Variants in SLC5A9 observed in about 807,000 individuals in gnomAD.
SLC5A9 encodes the protein solute carrier family 5 member 9, also known as sodium/glucose cotransporter 4.
In SLC5A9, 59 loss-of-function variants were observed where a neutral mutation model predicts 70.9. The ratio of observed to expected loss-of-function variants is 0.83; its 90% CI spans 0.68 to 1.03. The LOEUF (loss-of-function observed/expected upper bound fraction) is 1.03. Ranked by LOEUF, SLC5A9 falls within the 50% of genes least tolerant of loss-of-function variation. SLC5A9 has a pLI of 0.00. For missense variants in SLC5A9, 832 were observed against 881.1 expected (o/e 0.94, Z 0.71); for synonymous variants, 340 against 346.5 (o/e 0.98, Z 0.21).
At chr1:48,223,285 T>C (rs888162127) in intron 1 of SLC5A9, among the ~76,000 whole-genome samples, 6 of 152,152 alleles carry the variant, frequency 3.9e-5, no homozygotes, top group Non-Finnish European at 8.8e-5. Flanking sequence ...CGTTAGCATC[T>C]TGGCTAAGGT....
Position 48,230,669 on chromosome 1 carries a change from A to T in SLC5A9, c.574A>T (p.Ile192Phe). The change falls in exon 5 of 14, where the codon ATC becomes TTC. Residue 192 changes from isoleucine to phenylalanine, a missense_variant. Physicochemically the swap from Ile to Phe is conservative, Grantham distance 21. Transcript: ENST00000438567. ...CTGGAACCTGTACCTCTCCACAGGG[A>T]TCCTGCTGGTGGTGACTGCCGTCTA... is the stretch of plus-strand genomic sequence containing the variant. Reference protein sequence around the residue: ...LGWNLYLSTGILLVVTAVYTI... With the variant: ...LGWNLYLSTGFLLVVTAVYTI... The T allele has an allele frequency of 6.2e-7, 1 of 1,614,062 alleles. No individual in the cohort carries two copies.
rs1644365674 is a variant in SLC5A9, at chr1:48,239,311, C to G, written c.1462-11C>G. On this transcript the variant is annotated splice_polypyrimidine_tract_variant and intron_variant, in intron 11 of 13. Transcript: ENST00000438567. This position sits in a 1 kb window ranked among gnomAD's most constrained non-coding sequence, Gnocchi z 4.2. ...GATCTCACCTCAGCTCTTGTCTGCCCTCTCTCACAGGGAGCTTTCTGGGGC... is the reference window on the plus strand; with the variant it reads ...GATCTCACCTCAGCTCTTGTCTGCCGTCTCTCACAGGGAGCTTTCTGGGGC... 1 of 1,599,184 alleles carries G rather than the reference C, an allele frequency of 6.3e-7. No individual in the cohort carries two copies. Among genetic ancestry groups the G allele is most frequent in the South Asian group, 1.1e-5 (1 of 89,604 alleles).
At chr1:48,230,573 G>A (rs1644233578) in intron 4 of SLC5A9, 27 bp from the exon 5 acceptor site, 2 of 1,583,436 alleles carry the variant, frequency 1.3e-6, no homozygotes, top group Non-Finnish European at 1.7e-6. Context: ...CGGGTGGTCT[G>A]GCCTCTTGGG....
At chr1:48,245,225 A>G (rs1053079170) in intron 13 of SLC5A9, among the ~76,000 whole-genome samples, 1 of 151,934 alleles carries the variant, frequency 6.6e-6, no homozygotes, top group Non-Finnish European at 1.5e-5. Context: ...GGAGGAAGGA[A>G]GAAGGGGCAA....
chr1:48,242,280 C>T (rs922860042), intron 12 of SLC5A9, 177 bp from the exon 13 acceptor site: 2 of 696,798 alleles, frequency 2.9e-6, no homozygotes, highest in African/African-American at 1.8e-5. Flanking sequence ...AGGAATTGCT[C>T]ATATTTGAAG....
rs1422393037 is a variant in SLC5A9 at position 48,229,329 on chromosome 1, T to G, written c.374T>G (p.Phe125Cys). Residue 125 changes from phenylalanine to cysteine, a missense_variant, in exon 4 of 14, where the codon TTC becomes TGC. Phe to Cys is a radical substitution (Grantham distance 205). Transcript: ENST00000438567. ...CTGCTCCTGGCCCTTGGCTGGGTCTTCGTCCCTGTGTACATCGCAGCAGGT... is the reference window on the plus strand; with the variant it reads ...CTGCTCCTGGCCCTTGGCTGGGTCTGCGTCCCTGTGTACATCGCAGCAGGT... ...TWLLLALGWV[F>C]VPVYIAAGVV... is the part of the protein sequence containing the mutation. 1 of 1,614,062 alleles carries G rather than the reference T, an allele frequency of 6.2e-7. No homozygotes were observed.
chr1:48,242,461 C>T lies in SLC5A9; in HGVS notation c.1682C>T (p.Thr561Ile). Reference sequence around the variant, plus strand: ...CAGTGTCTTCTTTCCCTCCAGCTCACACGCCTCACATGGTGGACTCGGAAC... The same window carrying T: ...CAGTGTCTTCTTTCCCTCCAGCTCATACGCCTCACATGGTGGACTCGGAAC... ...CTTPIPEEQL[T>I]RLTWWTRNCP... Residue 561 changes from threonine to isoleucine, a missense_variant, in exon 13 of 14, where the codon ACA (threonine) becomes ATA (isoleucine). By Grantham distance (89) the Thr-to-Ile change is moderately conservative. Coordinates refer to ENST00000438567, the MANE Select transcript of SLC5A9 (RefSeq NM_001011547.3). 1 of 1,601,468 alleles carries T rather than the reference C, an allele frequency of 6.2e-7. No individual in the cohort carries two copies. Among genetic ancestry groups the T allele is most frequent in the South Asian group, 1.1e-5 (1 of 89,630 alleles).
chr1:48,224,805 C>A lies in SLC5A9; in HGVS notation c.234+10C>A. 2 of 1,613,640 alleles carry A rather than the reference C, an allele frequency of 1.2e-6. No homozygotes were observed. The highest frequency in any genetic ancestry group is 1.7e-6 in the Non-Finnish European group (2 of 1,179,638). On this transcript the variant is annotated intron_variant, in intron 2 of 13. Coordinates refer to ENST00000438567, the MANE Select transcript of SLC5A9 (RefSeq NM_001011547.3). ...CATGAGCTGGTGGCCAGTGAGTTGA[C>A]CCTTCTCAACCACCCCTAGTGCAGA...
intron 1 of SLC5A9, among the ~76,000 whole-genome samples, chr1:48,223,828 G>A (rs1644105279): frequency 6.6e-6 from 1 of 152,118 alleles, no homozygotes; most frequent in Admixed American, 6.5e-5. Flanking sequence ...GTGGCCAGCC[G>A]AGAAAAGCAC....
intron 11 of SLC5A9, 89 bp downstream of exon 11, chr1:48,237,936 T>C: frequency 7.2e-7 from 1 of 1,379,340 alleles, no homozygotes; most frequent in Admixed American, 2.3e-5. Context: ...CTTGAGAAAA[T>C]CCACTTCCCC....
Position 48,229,314 on chromosome 1 carries a change from C to A in SLC5A9, c.359C>A (p.Ala120Asp). ...FEWNATWLLL[A>D]LGWVFVPVYI... ...TCCCAGGCAACCTGGCTGCTCCTGG[C>A]CCTTGGCTGGGTCTTCGTCCCTGTG... The change falls in exon 4 of 14, where the codon GCC (alanine) becomes GAC (aspartate). Residue 120 changes from alanine (A) to aspartate (D), a missense_variant. Physicochemically the swap from Ala to Asp is moderately radical, Grantham distance 126. Coordinates refer to ENST00000438567, the MANE Select transcript of SLC5A9 (RefSeq NM_001011547.3). 1.2e-6 allele frequency: 2 copies of A among 1,614,182 alleles called. No homozygotes were observed. The highest frequency in any genetic ancestry group is 2.2e-5 in the East Asian group (1 of 44,868).
intron 5 of SLC5A9, among the ~76,000 whole-genome samples, 182 bp from the exon 6 acceptor site, chr1:48,231,363 G>A (rs1009567316): frequency 1.3e-5 from 2 of 152,206 alleles, no homozygotes; most frequent in African/African-American, 4.8e-5. Flanking sequence ...TGACCAGCTG[G>A]CATCCTGCCG....
At chr1:48,236,487 T>A (rs1201057543) in intron 10 of SLC5A9, among the ~76,000 whole-genome samples, 2 of 152,242 alleles carry the variant, frequency 1.3e-5, no homozygotes, top group African/African-American at 4.8e-5. Context: ...GAACTTTATC[T>A]TGTGGGTAAC....
rs1644306778 is a variant in SLC5A9 at position 48,234,963 on chromosome 1, C to T, written c.1142-766C>T. On this transcript the variant is annotated intron_variant, in intron 9 of 13. Coordinates refer to ENST00000438567, the MANE Select transcript of SLC5A9 (RefSeq NM_001011547.3). Reference sequence around the variant, plus strand: ...ACTTGAGCCTGAGGCACCTGTGACACTTCAAGGGAGAGAGGGGGACATCAG... The same window carrying T: ...ACTTGAGCCTGAGGCACCTGTGACATTTCAAGGGAGAGAGGGGGACATCAG... 1.3e-5 allele frequency among the ~76,000 whole-genome samples: 2 copies of T among 152,100 alleles called. 1 individual carries two copies. Among genetic ancestry groups the T allele is most frequent in the South Asian group, 4.2e-4 (2 of 4,816 alleles).
intron 2 of SLC5A9, among the ~76,000 whole-genome samples, chr1:48,227,462 G>T (rs1461742437): frequency 7.1e-6 from 1 of 140,794 alleles, no homozygotes; most frequent in African/African-American, 2.7e-5. Flanking sequence ...GAGAGAGTGT[G>T]TGTACTGTGC....
Position 48,247,213 on chromosome 1 carries a change from A to G in SLC5A9, c.1838-122A>G, listed in dbSNP as rs184258633. 37 of 890,686 alleles carry G rather than the reference A, an allele frequency of 4.2e-5. 1 individual carries two copies. In the East Asian group the frequency reaches 8.0e-4, roughly 19 times the overall value. The allele number at this position is 890,686 out of a possible 1,614,324, so 55.2% of individuals were successfully genotyped here. On this transcript the variant is annotated intron_variant, in intron 13 of 13. Coordinates refer to ENST00000438567, the MANE Select transcript of SLC5A9 (RefSeq NM_001011547.3). ...CCTCCCCAGTTTCTGTGCACCCCCC[A>G]TACTTTCCATCAGTATCTCACCATC...
Position 48,230,576 on chromosome 1 carries a change from C to T in SLC5A9, c.505-24C>T, listed in dbSNP as rs753925866. On this transcript the variant is annotated intron_variant, in intron 4 of 13. Transcript: ENST00000438567. ...TACTGAGGGCCTCGGGTGGTCTGGC[C>T]TCTTGGGTCCTGGCTCTCTGCAGAC... 3 of 1,599,404 alleles carry T rather than the reference C, an allele frequency of 1.9e-6. No individual in the cohort carries two copies. The East Asian group carries it at 6.7e-5, about 36-fold the overall frequency.
chr1:48,233,619 G>T, intron 8 of SLC5A9, 36 bp from the exon 9 acceptor site: 10 of 1,553,630 alleles, frequency 6.4e-6, no homozygotes, highest in Non-Finnish European at 8.9e-6. Flanking sequence ...GAAGGCACGA[G>T]ATCACGGACT....
chr1:48,223,231 A>G (rs748787801), intron 1 of SLC5A9, among the ~76,000 whole-genome samples: 1 of 151,826 alleles, frequency 6.6e-6, no homozygotes, highest in African/African-American at 2.4e-5. Context: ...AAGGCCCCCA[A>G]CTCTGAGAAC....
Sources: allele counts gnomAD v4.1 joint callset (sites outside exome capture counted in the v4.1 genomes callset), GRCh38; gene constraint gnomAD v4.1.1; non-coding constraint Gnocchi (gnomAD v3.1); transcripts MANE v1.5; gene names NCBI Gene and HGNC (gene_info 2026-07-23, HGNC 2026-07-21).